Variants in PCDH15 observed in about 807,000 individuals in gnomAD.
PCDH15 encodes protocadherin-15.
A neutral mutation model predicts 178.5 loss-of-function variants in PCDH15; 129 were observed. The observed-to-expected ratio is 0.72, with a 90% CI of 0.63 to 0.84. The LOEUF is 0.84. PCDH15 is among the 40% of genes least tolerant of loss of function. The probability of loss-of-function intolerance (pLI) is 0.00; values close to 1 mark genes in which losing one functional copy is unlikely to be tolerated. For synonymous variants in PCDH15, 800 were observed against 732.0 expected, an observed-to-expected ratio of 1.09 and a Z score of -1.50; for missense variants, 2,230 against 2,099.9, an observed-to-expected ratio of 1.06 and a Z score of -1.21.
chr10:54,620,257 AT>A (rs1298870597), intron 2 of PCDH15, among the ~76,000 whole-genome samples: 34 of 152,150 alleles, frequency 2.2e-4, no homozygotes, highest in African/African-American at 7.9e-4. Context: ...CCATAATATG[AT>A]TGTAGCATAA....
intron 2 of PCDH15, among the ~76,000 whole-genome samples, chr10:55,419,781 C>T (rs953162997): frequency 3.3e-5 from 5 of 151,406 alleles, no homozygotes; most frequent in Admixed American, 6.6e-5. Flanking sequence ...GAGTTGACTA[C>T]TTGGCAACAT....
At chr10:54,234,923 G>A (rs368281217) in intron 9 of PCDH15, among the ~76,000 whole-genome samples, 1 of 151,990 alleles carries the variant, frequency 6.6e-6, no homozygotes, top group Non-Finnish European at 1.5e-5. Flanking sequence ...AACATACAAG[G>A]CTCTCTAGTT....
At chr10:54,527,060 C>A (rs1372736153) in intron 3 of PCDH15, among the ~76,000 whole-genome samples, 1 of 152,036 alleles carries the variant, frequency 6.6e-6, no homozygotes, top group African/African-American at 2.4e-5. Flanking sequence ...ACAAAATGAG[C>A]CACAGACCAC....
chr10:55,432,082 A>ACACACACACACAC (rs1838893088), intron 2 of PCDH15, among the ~76,000 whole-genome samples: 2 of 148,498 alleles, frequency 1.3e-5, no homozygotes, highest in African/African-American at 4.9e-5. Context: ...CTATCATTTA[A>ACACACACACACAC]ACACACACAC....
At chr10:54,897,616 T>G (rs903746452) in intron 2 of PCDH15, 1 of 152,204 alleles carries the variant, frequency 6.6e-6, no homozygotes, top group Non-Finnish European at 1.5e-5. Flanking sequence ...TCTTTATAAC[T>G]TCTGGTGTTT....
intron 2 of PCDH15, among the ~76,000 whole-genome samples, chr10:55,107,138 A>C (rs1250145787): frequency 6.6e-6 from 1 of 152,198 alleles, no homozygotes; most frequent in Non-Finnish European, 1.5e-5. Context: ...CATCCAGAAG[A>C]ATTCTCTTTC....
At chr10:55,340,804 C>T (rs750510711) in intron 2 of PCDH15, among the ~76,000 whole-genome samples, 1 of 151,936 alleles carries the variant, frequency 6.6e-6, no homozygotes, top group Non-Finnish European at 1.5e-5. Flanking sequence ...ATGTAACAAA[C>T]ATTTATACTT....
chr10:54,205,481 T>TTGTGTGTGTGTGTGTGTG (rs71461223), intron 10 of PCDH15, among the ~76,000 whole-genome samples: 12,013 of 134,946 alleles, frequency 0.089, 814 homozygotes, highest in Admixed American at 0.11. Context: ...TATATTTCCT[T>TTGTGTGTGTGTGTGTGTG]TGTGTGTGTG....
intron 2 of PCDH15, among the ~76,000 whole-genome samples, chr10:55,588,909 C>A (rs1406210631): frequency 6.6e-6 from 1 of 151,740 alleles, no homozygotes; most frequent in East Asian, 1.9e-4. Flanking sequence ...TGGAGAAACT[C>A]CATCTCTACC....
At chr10:54,398,303 A>G (rs1365264281) in intron 3 of PCDH15, among the ~76,000 whole-genome samples, 1 of 151,968 alleles carries the variant, frequency 6.6e-6, no homozygotes, top group Admixed American at 6.6e-5. Context: ...ATATTATCCT[A>G]ATGATGTTGT....
intron 18 of PCDH15, among the ~76,000 whole-genome samples, chr10:54,047,594 A>G (rs35324348): frequency 6.6e-6 from 1 of 151,698 alleles, no homozygotes; most frequent in South Asian, 2.1e-4. Flanking sequence ...AGTAGTCCCT[A>G]GTGTTTATTG....
intron 26 of PCDH15, among the ~76,000 whole-genome samples, chr10:53,886,322 C>T (rs2081089775): frequency 6.6e-6 from 1 of 152,122 alleles, no homozygotes; most frequent in Non-Finnish European, 1.5e-5. Flanking sequence ...TTACACAGCC[C>T]ACTCATGGTT....
At chr10:55,573,072 C>A (rs1332619075) in intron 2 of PCDH15, among the ~76,000 whole-genome samples, 1 of 151,978 alleles carries the variant, frequency 6.6e-6, no homozygotes, top group African/African-American at 2.4e-5. Context: ...TGGAAAACAC[C>A]TGTTTCAAGA....
intron 32 of PCDH15, chr10:53,821,974 T>C: frequency 1.2e-6 from 2 of 1,613,960 alleles, no homozygotes; most frequent in African/African-American, 1.3e-5. Flanking sequence ...GAAGGGCACA[T>C]AGTTTGAAGT....
intron 13 of PCDH15, among the ~76,000 whole-genome samples, chr10:54,156,374 C>T (rs768616230): frequency 6.6e-6 from 1 of 152,040 alleles, no homozygotes; most frequent in African/African-American, 2.4e-5. Context: ...TGGAATTCCA[C>T]GTGGGTAGGG....
intron 2 of PCDH15, among the ~76,000 whole-genome samples, chr10:54,579,395 T>C (rs1239119900): frequency 1.3e-5 from 2 of 152,116 alleles, no homozygotes; most frequent in East Asian, 3.9e-4. Flanking sequence ...GGATAAAGAA[T>C]GTCATTAAAT....
Position 55,220,157 on chromosome 10 carries a change from T to A in PCDH15, c.-155-53506A>T, listed in dbSNP as rs139920464. ...ATCCTCTCAGTCCTAAGTATATTGA[T>A]CACCCTATTGGTGACTTATCATAAT... On this transcript the variant is annotated intron_variant, in intron 1 of 5. Coordinates refer to the PCDH15 transcript ENST00000458638. 2.8e-3 allele frequency among the ~76,000 whole-genome samples: 428 copies of A among 152,152 alleles called. 6 individuals are homozygous for A. Among genetic ancestry groups the A allele is most frequent in the African/African-American group, 9.6e-3 (398 of 41,472 alleles).
intron 2 of PCDH15, among the ~76,000 whole-genome samples, chr10:54,549,515 G>A (rs554936549): frequency 6.6e-6 from 1 of 151,548 alleles, no homozygotes. Flanking sequence ...AGAGAATGTG[G>A]GTATACTAAT....
In PCDH15 at chr10:55,285,110, A is replaced by G. The variant is rs139966696; in HGVS notation, c.-156+34489T>C. Among the ~76,000 whole-genome samples the G allele has an allele frequency of 2.4e-3, 359 of 149,304 alleles. 3 individuals are homozygous for G. Among genetic ancestry groups the G allele is most frequent in the Middle Eastern group, 7.6e-3 (2 of 262 alleles). On this transcript the variant is annotated intron_variant, in intron 1 of 5. Coordinates refer to the PCDH15 transcript ENST00000458638. ...TCTATGTTTTCTATAATTCTTTTAT[A>G]TGGTAAATACAAGTTTACCATATAA... is the stretch of plus-strand genomic sequence containing the variant.
Sources: allele counts gnomAD v4.1 joint callset (sites outside exome capture counted in the v4.1 genomes callset), GRCh38; gene constraint gnomAD v4.1.1; transcripts MANE v1.5; gene names NCBI Gene and HGNC (gene_info 2026-07-23, HGNC 2026-07-21).